HS3ST2: variants seen among roughly 807,000 people sequenced by gnomAD.
HS3ST2 encodes the protein heparan sulfate glucosamine 3-O-sulfotransferase 2.
A neutral mutation model predicts 26.3 loss-of-function variants in HS3ST2; 17 were observed. That is an observed-to-expected ratio of 0.65 (90% confidence interval 0.44 to 0.97). The LOEUF is 0.97. Ranked by LOEUF, HS3ST2 falls within the 50% of genes least tolerant of loss-of-function variation. The probability of loss-of-function intolerance (pLI) is 0.00; values close to 1 mark genes in which losing one functional copy is unlikely to be tolerated. For synonymous variants in HS3ST2, 237 were observed against 219.2 expected (o/e 1.08, Z -0.72); for missense variants, 402 against 501.2 (o/e 0.80, Z 1.89).
chr16:22,862,680 A>G (rs1167983963), intron 1 of HS3ST2, among the ~76,000 whole-genome samples: 8 of 152,144 alleles, frequency 5.3e-5, no homozygotes, highest in Non-Finnish European at 1.0e-4. Flanking sequence ...GGACATGTCT[A>G]TCACATTCCT....
Position 22,843,215 on chromosome 16 carries a change from G to A in HS3ST2, c.485+28120G>A, listed in dbSNP as rs551479812. Among the ~76,000 whole-genome samples the A allele has an allele frequency of 3.9e-5, 6 of 152,108 alleles. 1 individual carries two copies. Among genetic ancestry groups the A allele is most frequent in the African/African-American group, 1.4e-4 (6 of 41,500 alleles). ...GTGAGTGCCATGTATCCCAAGTGTGGAAGCCACTGAGTGGCTCTACATTTT... is the reference window on the plus strand; with the variant it reads ...GTGAGTGCCATGTATCCCAAGTGTGAAAGCCACTGAGTGGCTCTACATTTT... On this transcript the variant is annotated intron_variant, in intron 1 of 1. Transcript: ENST00000261374.
chr16:22,892,580 T>C (rs1197471808), intron 1 of HS3ST2, among the ~76,000 whole-genome samples: 1 of 152,174 alleles, frequency 6.6e-6, no homozygotes, highest in Non-Finnish European at 1.5e-5. Flanking sequence ...ATTAGTATTA[T>C]GTTACACTTA....
At chr16:22,845,095 C>G (rs989678437) in intron 1 of HS3ST2, among the ~76,000 whole-genome samples, 1 of 148,008 alleles carries the variant, frequency 6.8e-6, no homozygotes, top group Admixed American at 6.6e-5. Flanking sequence ...ACCTTGTGAT[C>G]CGCCTGCCTC....
At position 22,831,626 on chromosome 16, in the gene HS3ST2, C is replaced by T. The variant is rs550290276; in HGVS notation, c.485+16531C>T. Among the ~76,000 whole-genome samples, 149 of 151,808 alleles carry T rather than the reference C, an allele frequency of 9.8e-4. 1 individual carries two copies. Among genetic ancestry groups the T allele is most frequent in the Non-Finnish European group, 1.3e-3 (88 of 67,966 alleles). ...TTTTTACAATCTCAGTTTAAATCAC[C>T]GATGAGAAGTCTTTGTTTATTGTTC... is the stretch of plus-strand genomic sequence containing the variant. On this transcript the variant is annotated intron_variant, in intron 1 of 1. Transcript: ENST00000261374.
intron 1 of HS3ST2, among the ~76,000 whole-genome samples, chr16:22,874,751 C>G (rs2141194444): frequency 6.6e-6 from 1 of 152,352 alleles, no homozygotes. Context: ...GACCCAATGA[C>G]AAATCTCCTG....
At chr16:22,905,418 G>T (rs1902338558) in intron 1 of HS3ST2, among the ~76,000 whole-genome samples, 1 of 151,180 alleles carries the variant, frequency 6.6e-6, no homozygotes, top group East Asian at 1.9e-4. Context: ...GTGTTTTTTT[G>T]TGTTTGTTTT....
rs1159574454 is a variant in HS3ST2 at position 22,914,942 on chromosome 16, A to G, written c.486-2A>G. The G allele has an allele frequency of 6.2e-7, 1 of 1,608,476 alleles. No homozygotes were observed. Among genetic ancestry groups the G allele is most frequent in the East Asian group, 2.2e-5 (1 of 44,838 alleles). On this transcript the variant is annotated splice_acceptor_variant, in intron 1 of 1. Coordinates refer to ENST00000261374, the MANE Select transcript of HS3ST2 (RefSeq NM_006043.2). LOFTEE classifies it high-confidence loss of function. The stretch of plus-strand genomic sequence containing the variant: ...GATGATGTATTCCTTCTGCCCACAC[A>G]GGAGCCTGATGCCCAGGACCCTCGA...
At chr16:22,840,559 C>T (rs1414506456) in intron 1 of HS3ST2, among the ~76,000 whole-genome samples, 1 of 151,816 alleles carries the variant, frequency 6.6e-6, no homozygotes, top group African/African-American at 2.4e-5. Flanking sequence ...ATTTTTTTTA[C>T]TTTTAGTAGT....
intron 1 of HS3ST2, among the ~76,000 whole-genome samples, chr16:22,847,574 G>C (rs1901454678): frequency 6.6e-6 from 1 of 152,086 alleles, no homozygotes; most frequent in South Asian, 2.1e-4. Flanking sequence ...ATATCCATTA[G>C]ATATATGTTT....
intron 1 of HS3ST2, among the ~76,000 whole-genome samples, chr16:22,843,417 G>A (rs1352715094): frequency 6.6e-6 from 1 of 152,156 alleles, no homozygotes; most frequent in East Asian, 1.9e-4. Context: ...TTGCAAATTT[G>A]GGCCTCCAGA....
At chr16:22,887,273 A>G (rs1187136795) in intron 1 of HS3ST2, among the ~76,000 whole-genome samples, 1 of 152,186 alleles carries the variant, frequency 6.6e-6, no homozygotes, top group Non-Finnish European at 1.5e-5. Context: ...CTTATACATA[A>G]CAGAAATCTA....
chr16:22,845,642 G>A (rs1412388156), intron 1 of HS3ST2, among the ~76,000 whole-genome samples: 6 of 152,000 alleles, frequency 3.9e-5, no homozygotes, highest in Admixed American at 6.6e-5. Flanking sequence ...TGAGCCATGC[G>A]CCTGGCCTAT....
intron 1 of HS3ST2, among the ~76,000 whole-genome samples, chr16:22,853,651 C>T (rs7191228): frequency 0.036 from 5,533 of 152,160 alleles, 360 homozygotes; most frequent in African/African-American, 0.13. Flanking sequence ...ATGAGATGGG[C>T]CTGAAGGTGC....
At chr16:22,910,051 AAAAG>A (rs1555515049) in intron 1 of HS3ST2, among the ~76,000 whole-genome samples, 1 of 151,570 alleles carries the variant, frequency 6.6e-6, no homozygotes. Flanking sequence ...AAAAAAAAAA[AAAAG>A]AAAGAAAAGA....
intron 1 of HS3ST2, among the ~76,000 whole-genome samples, chr16:22,906,033 G>A (rs757031715): frequency 6.6e-6 from 1 of 152,112 alleles, no homozygotes; most frequent in African/African-American, 2.4e-5. Flanking sequence ...TGCCACAGTG[G>A]TTCTAAGCAC....
intron 1 of HS3ST2, among the ~76,000 whole-genome samples, chr16:22,899,970 C>A (rs1439297835): frequency 6.6e-6 from 1 of 152,216 alleles, no homozygotes; most frequent in Non-Finnish European, 1.5e-5. Flanking sequence ...TGGAACCAGC[C>A]TTTGATTTCA....
chr16:22,836,429 G>A (rs1901255636), intron 1 of HS3ST2, among the ~76,000 whole-genome samples: 1 of 152,152 alleles, frequency 6.6e-6, no homozygotes, highest in Non-Finnish European at 1.5e-5. Context: ...AGATGAAGAG[G>A]AAGCAGGAGG....
At chr16:22,886,694 T>C (rs928451987) in intron 1 of HS3ST2, among the ~76,000 whole-genome samples, 1 of 152,090 alleles carries the variant, frequency 6.6e-6, no homozygotes, top group Non-Finnish European at 1.5e-5. Flanking sequence ...AAGGGAGACA[T>C]TTACTCTGTT....
chr16:22,845,417 TCTCGGCTCACTGTAACCTCCGC>T (rs1283349460), intron 1 of HS3ST2, among the ~76,000 whole-genome samples: 1 of 144,594 alleles, frequency 6.9e-6, no homozygotes, highest in Non-Finnish European at 1.5e-5. Context: ...AATGGTGTGA[TCTCGGCTCACTGTAACCTCCGC>T]CTCCTGGGTT....
Sources: gnomAD v4.1 joint callset for allele counts (sites outside exome capture counted in the v4.1 genomes callset) on GRCh38, gnomAD v4.1.1 for gene constraint, MANE v1.5 for transcripts, NCBI Gene and HGNC (gene_info 2026-07-23, HGNC 2026-07-21) for gene names.